CDH12: variants seen among roughly 807,000 people sequenced by gnomAD.
CDH12 encodes cadherin-12.
A neutral mutation model predicts 74.1 loss-of-function variants in CDH12; 41 were observed. That is an observed-to-expected ratio of 0.55 (90% CI 0.43 to 0.72). The LOEUF is 0.72. CDH12 is among the 30% of genes least tolerant of loss of function. CDH12 has a pLI of 0.00. For missense variants in CDH12, 945 were observed against 977.2 expected (o/e 0.97, Z 0.44); for synonymous variants, 399 against 355.0 (o/e 1.12, Z -1.39).
At chr5:21,931,251 A>G (rs906856203) in intron 6 of CDH12, among the ~76,000 whole-genome samples, 17 of 152,020 alleles carry the variant, frequency 1.1e-4, no homozygotes, top group Non-Finnish European at 2.2e-4. Context: ...GTGATAGAGG[A>G]AAAAAAAGCT....
chr5:21,908,294 C>T (rs1024233448), intron 6 of CDH12, among the ~76,000 whole-genome samples: 5 of 152,156 alleles, frequency 3.3e-5, no homozygotes, highest in African/African-American at 4.8e-5. Context: ...TAACTGCAAT[C>T]GTGAGGACAA....
chr5:22,640,347 G>A (rs1416350941), intron 1 of CDH12, among the ~76,000 whole-genome samples: 1 of 152,168 alleles, frequency 6.6e-6, no homozygotes, highest in Non-Finnish European at 1.5e-5. Flanking sequence ...ATTTTGTCAT[G>A]TATTACTTTA....
At chr5:22,700,139 C>G (rs891474343) in intron 1 of CDH12, among the ~76,000 whole-genome samples, 1 of 151,976 alleles carries the variant, frequency 6.6e-6, no homozygotes, top group Non-Finnish European at 1.5e-5. Flanking sequence ...TGCACTCCAG[C>G]CTGGGTGAAA....
intron 1 of CDH12, among the ~76,000 whole-genome samples, chr5:22,612,033 T>A (rs1192837151): frequency 6.6e-6 from 1 of 152,184 alleles, no homozygotes; most frequent in Non-Finnish European, 1.5e-5. Context: ...TCAAAGATAA[T>A]TAAAAACATT....
chr5:22,394,254 A>C (rs1375756262), intron 3 of CDH12, among the ~76,000 whole-genome samples: 3 of 152,148 alleles, frequency 2.0e-5, no homozygotes, highest in Non-Finnish European at 4.4e-5. Context: ...AAATCTATGG[A>C]GGACTCTCGT....
At chr5:21,873,296 C>T (rs1751744939) in intron 6 of CDH12, among the ~76,000 whole-genome samples, 1 of 152,100 alleles carries the variant, frequency 6.6e-6, no homozygotes, top group African/African-American at 2.4e-5. Flanking sequence ...CCAAATTCTT[C>T]CCCCTTTTTT....
intron 1 of CDH12, among the ~76,000 whole-genome samples, chr5:22,536,863 C>T (rs1028949748): frequency 7.2e-5 from 11 of 152,286 alleles, no homozygotes; most frequent in Non-Finnish European, 1.0e-4. Context: ...TGCACAAAAA[C>T]TTCTCCTTAG....
intron 10 of CDH12, among the ~76,000 whole-genome samples, chr5:21,790,394 TATTTA>T (rs1156671550): frequency 6.6e-6 from 1 of 152,128 alleles, no homozygotes; most frequent in African/African-American, 2.4e-5. Flanking sequence ...TCAGTAAACA[TATTTA>T]ATTTTTTAGT....
intron 4 of CDH12, among the ~76,000 whole-genome samples, chr5:22,157,767 C>A (rs942196631): frequency 5.9e-5 from 9 of 151,816 alleles, no homozygotes; most frequent in African/African-American, 2.2e-4. Flanking sequence ...CTTTTTGAAT[C>A]AAAAATAGAA....
Position 22,023,463 on chromosome 5 carries a change from T to A in CDH12, c.232-48078A>T, listed in dbSNP as rs185707856. The stretch of plus-strand genomic sequence containing the variant: ...TGTGATGACAATGTGGTCTCTGACT[T>A]CATCAAGCTTTCATTCTCTATATTT... On this transcript the variant is annotated intron_variant, in intron 5 of 14. Coordinates refer to ENST00000382254, the MANE Select transcript of CDH12 (RefSeq NM_004061.5). 9.9e-4 allele frequency among the ~76,000 whole-genome samples: 150 copies of A among 152,244 alleles called. 2 individuals carry two copies. Among genetic ancestry groups the A allele is most frequent in the Middle Eastern group, 3.4e-3 (1 of 294 alleles).
At chr5:22,136,832 C>A (rs547494245) in intron 4 of CDH12, among the ~76,000 whole-genome samples, 57 of 151,726 alleles carry the variant, frequency 3.8e-4, no homozygotes, top group Non-Finnish European at 5.7e-4. Flanking sequence ...GGGAAGAAAT[C>A]TGCTATTGTG....
intron 4 of CDH12, among the ~76,000 whole-genome samples, chr5:22,204,943 T>C (rs1458466051): frequency 1.3e-5 from 2 of 152,206 alleles, no homozygotes; most frequent in African/African-American, 4.8e-5. Context: ...ACTCGTTCTT[T>C]AGTTCCCCTC....
intron 1 of CDH12, among the ~76,000 whole-genome samples, chr5:22,846,078 A>G (rs1046179138): frequency 1.3e-5 from 2 of 152,138 alleles, no homozygotes; most frequent in Non-Finnish European, 2.9e-5. Flanking sequence ...ATATTGTACC[A>G]CATGTGGGTG....
intron 4 of CDH12, among the ~76,000 whole-genome samples, chr5:22,080,364 G>A (rs1171404670): frequency 6.6e-6 from 1 of 152,020 alleles, no homozygotes; most frequent in Non-Finnish European, 1.5e-5. Context: ...ATGAGATGAG[G>A]AGTGTCCAAA....
At chr5:22,184,385 AT>A (rs970984950) in intron 4 of CDH12, among the ~76,000 whole-genome samples, 29 of 152,240 alleles carry the variant, frequency 1.9e-4, no homozygotes, top group African/African-American at 6.5e-4. Context: ...GTATAACAAC[AT>A]TTTTTCCCCT....
At chr5:22,270,460 C>A (rs560649351) in intron 3 of CDH12, among the ~76,000 whole-genome samples, 4 of 151,428 alleles carry the variant, frequency 2.6e-5, no homozygotes, top group Non-Finnish European at 4.4e-5. Context: ...CCAGGCATGG[C>A]GGCACATGCC....
At chr5:22,182,322 T>C (rs1749692515) in intron 4 of CDH12, among the ~76,000 whole-genome samples, 1 of 152,218 alleles carries the variant, frequency 6.6e-6, no homozygotes, top group Non-Finnish European at 1.5e-5. Flanking sequence ...GGTTTCTCAA[T>C]TCACCTCAAT....
intron 4 of CDH12, among the ~76,000 whole-genome samples, chr5:22,132,246 G>A (rs1027638778): frequency 2.3e-4 from 35 of 151,912 alleles, no homozygotes; most frequent in African/African-American, 8.5e-4. Flanking sequence ...TAGTTAGGAG[G>A]AGGAAATGAG....
intron 6 of CDH12, among the ~76,000 whole-genome samples, chr5:21,928,842 T>C (rs1232334932): frequency 6.6e-6 from 1 of 152,108 alleles, no homozygotes; most frequent in African/African-American, 2.4e-5. Context: ...CCACTTTGTG[T>C]TTTTGGTGAT....
Sources: allele counts gnomAD v4.1 joint callset (sites outside exome capture counted in the v4.1 genomes callset), GRCh38; gene constraint gnomAD v4.1.1; transcripts MANE v1.5; gene names NCBI Gene and HGNC (gene_info 2026-07-23, HGNC 2026-07-21).